ARL15: variants seen among roughly 807,000 people sequenced by gnomAD.
The protein encoded by ARL15 is ARF like GTPase 15, also known as ADP-ribosylation factor-like protein 15.
Under a neutral mutation model 25.2 loss-of-function variants are expected in ARL15, and 19 were observed. The ratio of observed to expected loss-of-function variants is 0.75; its 90% CI spans 0.53 to 1.10. The LOEUF is 1.10. Ranked by LOEUF, ARL15 falls within the 50% of genes least tolerant of loss-of-function variation. The probability of loss-of-function intolerance (pLI) is 0.00; values close to 1 mark genes in which losing one functional copy is unlikely to be tolerated. For synonymous variants in ARL15, 94 were observed against 86.8 expected (o/e 1.08, Z -0.46); for missense variants, 220 against 246.0 (o/e 0.89, Z 0.71).
chr5:53,957,561 C>A (rs941990546), intron 4 of ARL15, among the ~76,000 whole-genome samples: 56 of 152,250 alleles, frequency 3.7e-4, no homozygotes, highest in African/African-American at 1.3e-3. Flanking sequence ...TGGAGCCAGG[C>A]ATGGTGATTT....
intron 4 of ARL15, among the ~76,000 whole-genome samples, chr5:53,898,874 G>A (rs941700212): frequency 4.0e-5 from 6 of 151,810 alleles, no homozygotes; most frequent in South Asian, 2.1e-4. Flanking sequence ...GGCTGGTCTC[G>A]AACTCCTGGG....
intron 4 of ARL15, among the ~76,000 whole-genome samples, chr5:54,060,129 TA>T (rs1165458695): frequency 0.042 from 3,231 of 77,564 alleles, 43 homozygotes; most frequent in Non-Finnish European, 0.062. Flanking sequence ...ATCTGATGAC[TA>T]AAAAAAAAAA....
chr5:54,289,026 G>A (rs1184946751), intron 1 of ARL15, among the ~76,000 whole-genome samples: 1 of 152,104 alleles, frequency 6.6e-6, no homozygotes, highest in Non-Finnish European at 1.5e-5. Flanking sequence ...TTTTCCATAC[G>A]TCATTAACAA....
intron 4 of ARL15, among the ~76,000 whole-genome samples, chr5:54,030,080 T>A (rs781507545): frequency 3.3e-5 from 5 of 152,052 alleles, no homozygotes; most frequent in Admixed American, 6.6e-5. Flanking sequence ...GAGGTTAAGG[T>A]GGGAGGATCA....
chr5:54,138,025 T>C (rs1005947013), intron 3 of ARL15, among the ~76,000 whole-genome samples: 2 of 152,216 alleles, frequency 1.3e-5, no homozygotes, highest in Non-Finnish European at 2.9e-5. Context: ...TAACTTAATA[T>C]GTATTGAGAC....
intron 4 of ARL15, among the ~76,000 whole-genome samples, chr5:54,005,724 T>G (rs1329438262): frequency 1.3e-5 from 2 of 151,398 alleles, no homozygotes; most frequent in Non-Finnish European, 2.9e-5. Context: ...TAGCCGGGCG[T>G]GGTGGCCGGC....
At chr5:54,050,880 T>A (rs561027456) in intron 4 of ARL15, among the ~76,000 whole-genome samples, 46 of 152,344 alleles carry the variant, frequency 3.0e-4, no homozygotes, top group African/African-American at 9.6e-4. Context: ...CTTCTGATCC[T>A]TTCCCTATGT....
At chr5:54,246,259 G>A (rs1019360708) in intron 1 of ARL15, among the ~76,000 whole-genome samples, 6 of 151,382 alleles carry the variant, frequency 4.0e-5, no homozygotes, top group East Asian at 1.9e-4. Flanking sequence ...TCCTCTATGC[G>A]CCCTTATTCT....
At chr5:54,225,010 T>TA (rs1378118185) in intron 1 of ARL15, among the ~76,000 whole-genome samples, 1 of 152,208 alleles carries the variant, frequency 6.6e-6, no homozygotes, top group Non-Finnish European at 1.5e-5. Flanking sequence ...CACTAATAGT[T>TA]ACATAGGTGA....
chr5:54,299,584 C>CTTTTTTT lies in ARL15; in HGVS notation c.48+10841_48+10847dup, dbSNP rs752417066. Among the ~76,000 whole-genome samples the CTTTTTTT allele has an allele frequency of 2.5e-3, 202 of 79,548 alleles. 1 individual carries two copies. Among genetic ancestry groups the CTTTTTTT allele is most frequent in the East Asian group, 3.4e-3 (8 of 2,350 alleles). The allele number at this position is 79,548 out of a possible 152,430, so 52.2% of individuals were successfully genotyped here. A position where few individuals can be genotyped will look rare whatever the true frequency, so the allele number is the denominator to read the frequency against. On this transcript the variant is annotated intron_variant, in intron 1 of 4. Coordinates refer to ENST00000504924, the MANE Select transcript of ARL15 (RefSeq NM_019087.3). Reference sequence around the variant, plus strand: ...TGTAACAATAAATGTTAGCTATTAGCTTTTTTTTTTTTTTTTTTTTTTTTG... The same window carrying CTTTTTTT: ...TGTAACAATAAATGTTAGCTATTAGCTTTTTTTTTTTTTTTTTTTTTTTTTTTTTTTG...
chr5:54,302,150 G>A (rs577400349), intron 1 of ARL15, among the ~76,000 whole-genome samples: 41 of 152,268 alleles, frequency 2.7e-4, no homozygotes, highest in African/African-American at 9.1e-4. Context: ...GCCTCTCACA[G>A]GCAACCAGGT....
intron 4 of ARL15, among the ~76,000 whole-genome samples, chr5:53,888,675 C>G (rs999404593): frequency 6.6e-6 from 1 of 152,166 alleles, no homozygotes; most frequent in African/African-American, 2.4e-5. Flanking sequence ...CCAAGACAAT[C>G]TGAAATTCCT....
At chr5:54,267,152 C>T (rs180834266) in intron 1 of ARL15, among the ~76,000 whole-genome samples, 21 of 152,112 alleles carry the variant, frequency 1.4e-4, no homozygotes, top group African/African-American at 3.9e-4. Flanking sequence ...AGGGCAGTGG[C>T]GGGATCTCAG....
At chr5:54,001,170 C>T (rs752516394) in intron 4 of ARL15, among the ~76,000 whole-genome samples, 1 of 152,202 alleles carries the variant, frequency 6.6e-6, no homozygotes, top group Middle Eastern at 3.2e-3. Context: ...CCCTCTCCCC[C>T]AGAAATGGGT....
At chr5:53,945,678 G>A (rs541709606) in intron 4 of ARL15, among the ~76,000 whole-genome samples, 7 of 152,154 alleles carry the variant, frequency 4.6e-5, no homozygotes, top group African/African-American at 1.4e-4. Context: ...AAACAAAAAG[G>A]TTTATATAAT....
At chr5:54,106,129 T>C (rs1433879604) in intron 4 of ARL15, among the ~76,000 whole-genome samples, 1 of 152,122 alleles carries the variant, frequency 6.6e-6, no homozygotes, top group East Asian at 1.9e-4. Flanking sequence ...CAAACACAAA[T>C]GTAGAAACAT....
chr5:53,998,246 C>T (rs541918946), intron 4 of ARL15, among the ~76,000 whole-genome samples: 33 of 146,194 alleles, frequency 2.3e-4, no homozygotes, highest in African/African-American at 7.6e-4. Flanking sequence ...AATAATGTAT[C>T]GTTCTTTTCC....
intron 1 of ARL15, among the ~76,000 whole-genome samples, chr5:54,196,363 T>G (rs1435199456): frequency 6.6e-6 from 1 of 151,866 alleles, no homozygotes; most frequent in African/African-American, 2.4e-5. Flanking sequence ...TTTCTGAGTT[T>G]GATTCCCACT....
intron 1 of ARL15, among the ~76,000 whole-genome samples, chr5:54,287,153 T>C (rs370334174): frequency 6.6e-6 from 1 of 152,108 alleles, no homozygotes; most frequent in South Asian, 2.1e-4. Flanking sequence ...GTGCTGGGAT[T>C]GCAGGAATGA....
Sources: allele counts gnomAD v4.1 joint callset (sites outside exome capture counted in the v4.1 genomes callset), GRCh38; gene constraint gnomAD v4.1.1; transcripts MANE v1.5; gene names NCBI Gene and HGNC (gene_info 2026-07-23, HGNC 2026-07-21).